AFF3: variants seen among roughly 807,000 people sequenced by gnomAD.
The protein encoded by AFF3 is AF4/FMR2 family member 3.
Under a neutral mutation model 129.7 loss-of-function variants are expected in AFF3, and 32 were observed. That is an observed-to-expected ratio of 0.25 (90% confidence interval 0.19 to 0.33). The LOEUF (loss-of-function observed/expected upper bound fraction) is 0.33. Among genes scored for constraint, AFF3 ranks in the 10% least tolerant of loss-of-function variants. The pLI is 1.00. For synonymous variants in AFF3, 644 were observed against 635.4 expected, an observed-to-expected ratio of 1.01 and a Z score of -0.20; for missense variants, 1,373 against 1,592.0, an observed-to-expected ratio of 0.86 and a Z score of 2.34.
chr2:100,083,846 A>G (rs1689215586), intron 4 of AFF3, among the ~76,000 whole-genome samples: 1 of 152,022 alleles, frequency 6.6e-6, no homozygotes, highest in South Asian at 2.1e-4. Flanking sequence ...AGAGGGAGAG[A>G]AGGGAGTACG....
intron 17 of AFF3, among the ~76,000 whole-genome samples, chr2:99,579,489 G>A (rs1360628966): frequency 6.6e-6 from 1 of 152,118 alleles, no homozygotes; most frequent in Non-Finnish European, 1.5e-5. Flanking sequence ...GGAGGCCAAG[G>A]CAGGTAGATT....
At chr2:99,795,686 C>T (rs1172495780) in intron 8 of AFF3, among the ~76,000 whole-genome samples, 1 of 151,762 alleles carries the variant, frequency 6.6e-6, no homozygotes, top group African/African-American at 2.4e-5. Flanking sequence ...ACCTTCATTC[C>T]TTTAGCTTGA....
chr2:100,100,347 AG>A (rs375672282), intron 4 of AFF3, among the ~76,000 whole-genome samples: 17 of 139,784 alleles, frequency 1.2e-4, no homozygotes, highest in African/African-American at 4.5e-4. Flanking sequence ...GAGACAGTAT[AG>A]GTAATTCCAC....
chr2:100,126,296 C>T (rs191219924), intron 2 of AFF3, among the ~76,000 whole-genome samples: 4 of 152,250 alleles, frequency 2.6e-5, no homozygotes, highest in Middle Eastern at 3.4e-3. Flanking sequence ...ATGTTCTGTT[C>T]GAGAAGCCAG....
intron 12 of AFF3, among the ~76,000 whole-genome samples, chr2:99,672,220 ACACACACACAC>A (rs1687225681): frequency 3.2e-5 from 1 of 30,942 alleles, no homozygotes; most frequent in Non-Finnish European, 5.7e-5. Context: ...ACACACACAC[ACACACACACAC>A]ATGAATAAAT....
chr2:99,546,130 G>A lies in AFF3; in HGVS notation c.*5344C>T, dbSNP rs1674067265. On this transcript the variant is annotated 3_prime_UTR_variant, in exon 25 of 25. Transcript: ENST00000672756. Reference sequence around the variant, plus strand: ...CCCCTTTCATTAAAAAAACTTTCAAGATTCCACTTGATCCGGGTTTCTTCG... The same window carrying A: ...CCCCTTTCATTAAAAAAACTTTCAAAATTCCACTTGATCCGGGTTTCTTCG... The A allele has an allele frequency of 4.4e-6, 1 of 228,290 alleles. No individual in the cohort carries two copies. The highest frequency in any genetic ancestry group is 5.7e-5 in the Admixed American group (1 of 17,620). 14.1% of individuals were successfully genotyped at this position (228,290 alleles called of 1,614,324 possible). A position where few individuals can be genotyped will look rare whatever the true frequency, so the allele number is the denominator to read the frequency against.
chr2:99,845,512 C>T (rs1022274972), intron 7 of AFF3, among the ~76,000 whole-genome samples: 17 of 152,120 alleles, frequency 1.1e-4, no homozygotes, highest in African/African-American at 3.9e-4. Context: ...TCCATGGGGT[C>T]ATGTCTCAAA....
At chr2:100,005,331 T>C (rs1441873942) in intron 7 of AFF3, among the ~76,000 whole-genome samples, 1 of 152,226 alleles carries the variant, frequency 6.6e-6, no homozygotes, top group African/African-American at 2.4e-5. Flanking sequence ...CTGAAGTTTC[T>C]TTGGTAGATA....
intron 12 of AFF3, among the ~76,000 whole-genome samples, chr2:99,649,916 G>T (rs1310084676): frequency 6.6e-6 from 1 of 152,224 alleles, no homozygotes; most frequent in Admixed American, 6.5e-5. Context: ...GTTTGTCGGG[G>T]GGGCAAAGGA....
chr2:99,988,613 T>C (rs62149304), intron 7 of AFF3, among the ~76,000 whole-genome samples: 16,353 of 152,256 alleles, frequency 0.11, 1,217 homozygotes, highest in Non-Finnish European at 0.15. Context: ...TGGGAAATGC[T>C]GCCTCCTACA....
intron 7 of AFF3, 82 bp from the exon 8 acceptor site, chr2:99,837,606 C>G: frequency 7.7e-7 from 1 of 1,296,754 alleles, no homozygotes; most frequent in Non-Finnish European, 1.1e-6. Flanking sequence ...CAAATTAGTC[C>G]CCCCCAACAA....
At chr2:100,129,146 C>T (rs1692317292) in intron 2 of AFF3, 78 bp downstream of exon 2, 1 of 152,152 alleles carries the variant, frequency 6.6e-6, no homozygotes, top group Non-Finnish European at 1.5e-5. Flanking sequence ...GATTCTGGAA[C>T]AAAAATCCCA....
chr2:100,018,112 A>G (rs1683289009), intron 4 of AFF3, among the ~76,000 whole-genome samples: 1 of 152,158 alleles, frequency 6.6e-6, no homozygotes, highest in Non-Finnish European at 1.5e-5. Context: ...CAAATGACAC[A>G]GCACTAGCAG....
intron 13 of AFF3, among the ~76,000 whole-genome samples, chr2:99,629,576 T>G (rs913702646): frequency 2.6e-5 from 4 of 152,234 alleles, no homozygotes; most frequent in Non-Finnish European, 5.9e-5. Context: ...GCTTTCCTTT[T>G]TTAGAACAGG....
chr2:99,916,980 C>G (rs566078106), intron 7 of AFF3, among the ~76,000 whole-genome samples: 1 of 152,166 alleles, frequency 6.6e-6, no homozygotes, highest in Non-Finnish European at 1.5e-5. Context: ...TTCTGTGCAT[C>G]TCTGCTCTTG....
At chr2:100,063,751 G>A (rs1412086281) in intron 4 of AFF3, among the ~76,000 whole-genome samples, 1 of 152,142 alleles carries the variant, frequency 6.6e-6, no homozygotes, top group African/African-American at 2.4e-5. Context: ...GTTTCCAGGA[G>A]TGTTAAAAGA....
rs535306357 is a variant in AFF3 at position 99,546,861 on chromosome 2, G to T, written c.*4613C>A. The stretch of plus-strand genomic sequence containing the variant: ...AGCAAAGCGGCATCCCAGGGCTACT[G>T]GTTGAACAGGAACCCTGTGGCCATT... On this transcript the variant is annotated 3_prime_UTR_variant, in exon 25 of 25. Coordinates refer to ENST00000672756, the MANE Select transcript of AFF3 (RefSeq NM_001386135.1). 1 of 219,320 alleles carries T rather than the reference G, an allele frequency of 4.6e-6. No homozygotes were observed. The highest frequency in any genetic ancestry group is 1.9e-4 in the South Asian group (1 of 5,388). 13.6% of individuals were successfully genotyped at this position (219,320 alleles called of 1,614,324 possible). A position where few individuals can be genotyped will look rare whatever the true frequency, so the allele number is the denominator to read the frequency against.
chr2:100,052,018 G>C (rs1046776018), intron 4 of AFF3, among the ~76,000 whole-genome samples: 2 of 152,190 alleles, frequency 1.3e-5, no homozygotes, highest in African/African-American at 4.8e-5. Context: ...AAGGGCCTCG[G>C]GATGTTCATC....
At chr2:99,623,918 T>C (rs1682298402) in intron 13 of AFF3, among the ~76,000 whole-genome samples, 1 of 152,168 alleles carries the variant, frequency 6.6e-6, no homozygotes, top group Non-Finnish European at 1.5e-5. Flanking sequence ...AGGCAGATGC[T>C]CCATCATCCC....
Sources: allele counts gnomAD v4.1 joint callset (sites outside exome capture counted in the v4.1 genomes callset), GRCh38; gene constraint gnomAD v4.1.1; transcripts MANE v1.5; gene names NCBI Gene and HGNC (gene_info 2026-07-23, HGNC 2026-07-21).